The following GFM1 variants were observed in gnomAD, a reference collection of about 807,000 sequenced individuals.
GFM1 encodes the protein elongation factor G, mitochondrial.
In GFM1, 62 loss-of-function variants were observed where a neutral mutation model predicts 96.2. The ratio of observed to expected loss-of-function variants is 0.64; its 90% CI spans 0.53 to 0.80. The LOEUF (loss-of-function observed/expected upper bound fraction) is 0.80. Among genes scored for constraint, GFM1 ranks in the 30% least tolerant of loss-of-function variants. The pLI, the probability that GFM1 is intolerant of heterozygous loss-of-function variation, is 0.00. For missense variants in GFM1, 852 were observed against 916.6 expected, an observed-to-expected ratio of 0.93 and a Z score of 0.91; for synonymous variants, 282 against 312.9, an observed-to-expected ratio of 0.90 and a Z score of 1.04.
At chr3:158,673,029 A>G (rs545565132) in intron 13 of GFM1, among the ~76,000 whole-genome samples, 1 of 152,226 alleles carries the variant, frequency 6.6e-6, no homozygotes, top group East Asian at 1.9e-4. Context: ...CCAGGTAGTG[A>G]TTCGATTCCT....
intron 8 of GFM1, chr3:158,656,010 A>C: frequency 2.3e-6 from 1 of 438,858 alleles, no homozygotes; most frequent in Non-Finnish European, 4.6e-6. Context: ...ATTTGGGTTT[A>C]TTATTTGATG....
At chr3:158,691,064 G>A (rs890273828) in intron 16 of GFM1, 75 bp from the exon 17 acceptor site, 5 of 982,718 alleles carry the variant, frequency 5.1e-6, no homozygotes, top group Non-Finnish European at 8.2e-6. Flanking sequence ...GAATTAAATG[G>A]CTAAAATGCG....
chr3:158,682,766 T>C (rs1725513241), intron 14 of GFM1, among the ~76,000 whole-genome samples: 6 of 152,212 alleles, frequency 3.9e-5, no homozygotes, highest in Admixed American at 3.9e-4. Context: ...GGTTCATGCC[T>C]GTAATCCTAA....
chr3:158,646,815 C>G lies in GFM1; in HGVS notation c.440C>G (p.Ala147Gly). Residue 147 changes from alanine to glycine, a missense_variant, in exon 4 of 18, where the codon GCT becomes GGT. Coordinates refer to ENST00000486715, the MANE Select transcript of GFM1 (RefSeq NM_024996.7). ...VLDGAVLVLC[A>G]VGGVQCQTMT... ...GATGGTGCAGTCCTTGTTCTCTGTG[C>G]TGTTGGAGGGGTACAGTGCCAGACC... 6.2e-7 allele frequency: 1 copy of G among 1,614,196 alleles called. No individual in the cohort carries two copies. The highest frequency in any genetic ancestry group is 8.5e-7 in the Non-Finnish European group (1 of 1,180,008).
At chr3:158,691,229 C>T in intron 17 of GFM1, 37 bp downstream of exon 17, 4 of 1,603,202 alleles carry the variant, frequency 2.5e-6, no homozygotes, top group Non-Finnish European at 3.4e-6. Flanking sequence ...AAAGACCACC[C>T]TACAGAATGA....
chr3:158,683,584 T>G (rs535430622), intron 14 of GFM1, among the ~76,000 whole-genome samples: 34 of 152,362 alleles, frequency 2.2e-4, no homozygotes, highest in Admixed American at 6.5e-4. Flanking sequence ...TGTAGTGATC[T>G]GCCAATGAGG....
At chr3:158,681,744 G>A (rs778804680) in intron 13 of GFM1, among the ~76,000 whole-genome samples, 3 of 152,044 alleles carry the variant, frequency 2.0e-5, no homozygotes, top group Non-Finnish European at 4.4e-5. Flanking sequence ...TTAATTACTC[G>A]ACTTTTACTT....
At chr3:158,688,181 C>T (rs184860375) in intron 15 of GFM1, among the ~76,000 whole-genome samples, 2 of 152,216 alleles carry the variant, frequency 1.3e-5, no homozygotes, top group Non-Finnish European at 2.9e-5. Context: ...TGATACTGAT[C>T]AGTGAGGTAA....
intron 2 of GFM1, 153 bp from the exon 3 acceptor site, chr3:158,646,012 G>T: frequency 9.8e-7 from 1 of 1,019,318 alleles, no homozygotes; most frequent in Non-Finnish European, 1.5e-6. Context: ...CAAACTCTTG[G>T]GCTCAAATTA....
At chr3:158,685,995 C>G (rs1197174399) in intron 15 of GFM1, among the ~76,000 whole-genome samples, 1 of 151,838 alleles carries the variant, frequency 6.6e-6, no homozygotes, top group African/African-American at 2.4e-5. Context: ...ATAGAGGTTA[C>G]ATAAAGCCAG....
chr3:158,649,874 T>C, intron 5 of GFM1: 2 of 714,058 alleles, frequency 2.8e-6, no homozygotes, highest in Non-Finnish European at 4.7e-6. Flanking sequence ...TTCTGGAAGG[T>C]TTCCAGTTGA....
chr3:158,677,886 C>G (rs1285246375), intron 13 of GFM1, among the ~76,000 whole-genome samples: 1 of 152,204 alleles, frequency 6.6e-6, no homozygotes, highest in Non-Finnish European at 1.5e-5. Context: ...GGAGAGAAGT[C>G]AGTGCCTGGC....
intron 13 of GFM1, chr3:158,669,082 A>C: frequency 6.2e-7 from 1 of 1,613,772 alleles, no homozygotes; most frequent in Non-Finnish European, 8.5e-7. Context: ...CAGGCAACCC[A>C]GGCTAAATGT....
At chr3:158,662,174 C>G (rs1050620358) in intron 10 of GFM1, among the ~76,000 whole-genome samples, 12 of 151,300 alleles carry the variant, frequency 7.9e-5, no homozygotes, top group Admixed American at 2.6e-4. Context: ...GGGATAATAC[C>G]TGCTTCTCAG....
chr3:158,646,136 A>G lies in GFM1; in HGVS notation c.235-29A>G, dbSNP rs749974602. 4.3e-6 allele frequency: 7 copies of G among 1,613,962 alleles called. No homozygotes were observed. In the South Asian group the frequency reaches 7.7e-5, roughly 18 times the overall value. On this transcript the variant is annotated intron_variant, in intron 2 of 17. Transcript: ENST00000486715. ...TCCTTCTTGGAATGCAGGGACAGAG[A>G]AAGTCTGAATTGCTGTGCTTGTGTT... is the stretch of plus-strand genomic sequence containing the variant.
rs541257372 is a variant in GFM1 at position 158,654,649 on chromosome 3, G to A, written c.1083+18G>A. ...AACTGGAGGTAAGTTGCTTTCTAAT[G>A]TATTTAACTGCTATCTGTAGAATGT... On this transcript the variant is annotated intron_variant, in intron 8 of 17. Coordinates refer to ENST00000486715, the MANE Select transcript of GFM1 (RefSeq NM_024996.7). The A allele has an allele frequency of 2.1e-6, 3 of 1,423,158 alleles. No homozygotes were observed. Among genetic ancestry groups the A allele is most frequent in the East Asian group, 2.3e-5 (1 of 43,904 alleles). 88.2% of individuals were successfully genotyped at this position (1,423,158 alleles called of 1,614,324 possible).
chr3:158,652,282 A>G (rs779127183), intron 6 of GFM1, 36 bp downstream of exon 6: 6 of 1,601,266 alleles, frequency 3.7e-6, no homozygotes, highest in Middle Eastern at 1.7e-4. Flanking sequence ...TGTTAACAAC[A>G]AAAAGAAGTC....
In GFM1 at chr3:158,646,092, A is replaced by G. The variant is rs773428839; in HGVS notation, c.235-73A>G. The G allele has an allele frequency of 4.1e-5, 65 of 1,585,634 alleles. 1 individual carries two copies. The East Asian group carries it at 1.5e-3, about 35-fold the overall frequency. Reference sequence around the variant, plus strand: ...GCCACTGCACCTGGCAACTGTTTCCATTTCAGTTAAGATTTCTTTCCTTCT... The same window carrying G: ...GCCACTGCACCTGGCAACTGTTTCCGTTTCAGTTAAGATTTCTTTCCTTCT... On this transcript the variant is annotated intron_variant, in intron 2 of 17. Transcript: ENST00000486715.
intron 15 of GFM1, among the ~76,000 whole-genome samples, chr3:158,689,805 A>G (rs1363728015): frequency 2.0e-5 from 3 of 151,864 alleles, no homozygotes; most frequent in Non-Finnish European, 2.9e-5. Context: ...AACAGTTATT[A>G]TCTTTAACCC....
Sources: gnomAD v4.1 joint callset for allele counts (sites outside exome capture counted in the v4.1 genomes callset) on GRCh38, gnomAD v4.1.1 for gene constraint, MANE v1.5 for transcripts, NCBI Gene and HGNC (gene_info 2026-07-23, HGNC 2026-07-21) for gene names.